The following SLC25A21 variants were observed in gnomAD, a reference collection of about 807,000 sequenced individuals.
SLC25A21 encodes the protein mitochondrial 2-oxodicarboxylate carrier.
Under a neutral mutation model 43.8 loss-of-function variants are expected in SLC25A21, and 47 were observed. The observed-to-expected ratio is 1.07, with a 90% CI of 0.85 to 1.37. SLC25A21 has a LOEUF of 1.37. Ranked by LOEUF, SLC25A21 falls within the 40% of genes most tolerant of loss-of-function variation. SLC25A21 has a pLI of 0.00. For missense variants in SLC25A21, 352 were observed against 350.2 expected (o/e 1.00, Z -0.04); for synonymous variants, 131 against 121.3 (o/e 1.08, Z -0.52).
At chr14:37,019,790 C>A (rs1434791180) in intron 1 of SLC25A21, among the ~76,000 whole-genome samples, 1 of 151,652 alleles carries the variant, frequency 6.6e-6, no homozygotes. Flanking sequence ...ACAGGTAAGA[C>A]CAGATGGTGA....
At chr14:37,172,237 G>C (rs1009353895) in intron 1 of SLC25A21, 44 bp downstream of exon 1, 6 of 1,542,892 alleles carry the variant, frequency 3.9e-6, no homozygotes, top group Non-Finnish European at 5.3e-6. Flanking sequence ...CACGCGGTGG[G>C]GAAAGCGACT....
intron 1 of SLC25A21, among the ~76,000 whole-genome samples, chr14:37,029,834 G>A (rs942536230): frequency 2.0e-4 from 29 of 143,532 alleles, no homozygotes; most frequent in Admixed American, 3.7e-4. Context: ...GCATGACCTC[G>A]GCTCACTCCA....
chr14:37,104,887 G>A (rs1377440134), intron 1 of SLC25A21, among the ~76,000 whole-genome samples: 1 of 152,118 alleles, frequency 6.6e-6, no homozygotes, highest in Non-Finnish European at 1.5e-5. Flanking sequence ...ATTTATCTGT[G>A]ATCTCTTGCA....
intron 2 of SLC25A21, among the ~76,000 whole-genome samples, chr14:36,814,328 T>C (rs573288188): frequency 6.6e-6 from 1 of 151,892 alleles, no homozygotes; most frequent in Non-Finnish European, 1.5e-5. Flanking sequence ...TAATGTAGAA[T>C]TCAGAATTCT....
intron 1 of SLC25A21, among the ~76,000 whole-genome samples, chr14:36,967,693 C>T (rs920748656): frequency 1.3e-5 from 2 of 152,102 alleles, no homozygotes; most frequent in Non-Finnish European, 1.5e-5. Flanking sequence ...AAATGTCAAC[C>T]GAATCCAGCA....
chr14:36,871,011 C>T (rs990320190), intron 2 of SLC25A21: 1 of 152,164 alleles, frequency 6.6e-6, no homozygotes, highest in Non-Finnish European at 1.5e-5. Flanking sequence ...CAGGGTGAGA[C>T]CGTTCAGCTC....
At chr14:36,788,545 T>C (rs1887334069) in intron 3 of SLC25A21, 1 of 147,194 alleles carries the variant, frequency 6.8e-6, no homozygotes, top group South Asian at 2.3e-4. Context: ...CCTTTAATTG[T>C]GGAAAACCAC....
At position 36,793,935 on chromosome 14, in the gene SLC25A21, A is replaced by C. The variant is rs1887582462; in HGVS notation, c.203+19983T>G. 2.6e-5 allele frequency among the ~76,000 whole-genome samples: 4 copies of C among 152,012 alleles called. No homozygotes were observed. The South Asian group carries it at 8.3e-4, about 32-fold the overall frequency. On this transcript the variant is annotated intron_variant, in intron 3 of 9. Transcript: ENST00000331299. ...TGCAGATCAGGAAAAAAAAAAAAAA[A>C]AAAACTTGGCAAGAAGAAGCAAATC...
intron 3 of SLC25A21, among the ~76,000 whole-genome samples, chr14:36,776,497 A>C (rs1474216064): frequency 6.6e-6 from 1 of 151,562 alleles, no homozygotes; most frequent in African/African-American, 2.4e-5. Context: ...CTCGGCTAGG[A>C]TTACAAAGTG....
At chr14:36,824,027 A>G (rs1469606505) in intron 2 of SLC25A21, among the ~76,000 whole-genome samples, 1 of 152,222 alleles carries the variant, frequency 6.6e-6, no homozygotes, top group Admixed American at 6.5e-5. Flanking sequence ...CTCTACAGAA[A>G]GTATGCACTA....
Position 36,758,422 on chromosome 14 carries a change from G to C in SLC25A21, c.204-23849C>G, listed in dbSNP as rs112839445. ...CCTCTGGGCCCAGGGCATGACCCAG[G>C]AGAGGGGCGTAGTGTTTCTTATGTT... On this transcript the variant is annotated intron_variant, in intron 3 of 9. Transcript: ENST00000331299. 8.6e-3 allele frequency among the ~76,000 whole-genome samples: 1,304 copies of C among 152,218 alleles called. 17 individuals carry two copies. Among genetic ancestry groups the C allele is most frequent in the Non-Finnish European group, 0.012 (842 of 68,016 alleles).
chr14:36,679,423 A>C lies in SLC25A21; in HGVS notation c.*1235T>G, dbSNP rs1035769969. ...TTAGTGAAATAGCCCCGTAGTAGAAATAGCCCACGGTAGTAACTTAGGACA... is the reference window on the plus strand; with the variant it reads ...TTAGTGAAATAGCCCCGTAGTAGAACTAGCCCACGGTAGTAACTTAGGACA... On this transcript the variant is annotated 3_prime_UTR_variant, in exon 10 of 10. Coordinates refer to ENST00000331299, the MANE Select transcript of SLC25A21 (RefSeq NM_030631.4). 16 of 985,048 alleles carry C rather than the reference A, an allele frequency of 1.6e-5. No individual in the cohort carries two copies. In the African/African-American group the frequency reaches 2.8e-4, roughly 17 times the overall value. 61.0% of individuals were successfully genotyped at this position (985,048 alleles called of 1,614,324 possible).
intron 1 of SLC25A21, among the ~76,000 whole-genome samples, chr14:36,938,297 T>G (rs902422053): frequency 6.6e-6 from 1 of 152,170 alleles, no homozygotes; most frequent in South Asian, 2.1e-4. Context: ...GAGTGGACTG[T>G]GCCAGGCCTT....
At chr14:36,813,360 G>A (rs1035676271) in intron 3 of SLC25A21, among the ~76,000 whole-genome samples, 89 of 107,802 alleles carry the variant, frequency 8.3e-4, no homozygotes, top group Non-Finnish European at 1.5e-3. Context: ...TTAATCGGAC[G>A]CATCAATTTT....
At chr14:36,941,282 T>C (rs1566756574) in intron 1 of SLC25A21, among the ~76,000 whole-genome samples, 1 of 152,124 alleles carries the variant, frequency 6.6e-6, no homozygotes, top group Non-Finnish European at 1.5e-5. Flanking sequence ...CTCAAATATA[T>C]AGTTTAGGCA....
At chr14:36,967,647 G>A (rs570040746) in intron 1 of SLC25A21, among the ~76,000 whole-genome samples, 1 of 152,290 alleles carries the variant, frequency 6.6e-6, no homozygotes, top group South Asian at 2.1e-4. Context: ...AAAGCATACA[G>A]TAACAAGCTT....
intron 3 of SLC25A21, among the ~76,000 whole-genome samples, chr14:36,753,644 G>A (rs1393506086): frequency 1.3e-5 from 2 of 152,136 alleles, no homozygotes; most frequent in Non-Finnish European, 2.9e-5. Context: ...ATGCTTAGTA[G>A]TTGCATACTG....
chr14:36,958,185 T>C (rs1351409414), intron 1 of SLC25A21, among the ~76,000 whole-genome samples: 1 of 151,952 alleles, frequency 6.6e-6, no homozygotes. Context: ...AGCCTGCCAC[T>C]GCCTCCATCA....
At chr14:36,740,527 T>C (rs1052891727) in intron 3 of SLC25A21, among the ~76,000 whole-genome samples, 1 of 152,232 alleles carries the variant, frequency 6.6e-6, no homozygotes, top group Non-Finnish European at 1.5e-5. Context: ...GATCAAAAAC[T>C]ACATCACGTG....
Sources: gnomAD v4.1 joint callset for allele counts (sites outside exome capture counted in the v4.1 genomes callset) on GRCh38, gnomAD v4.1.1 for gene constraint, MANE v1.5 for transcripts, NCBI Gene and HGNC (gene_info 2026-07-23, HGNC 2026-07-21) for gene names.